SEC24B: variants seen among roughly 807,000 people sequenced by gnomAD.
The protein encoded by SEC24B is SEC24 homolog B, COPII component.
In SEC24B, 45 loss-of-function variants were observed where a neutral mutation model predicts 142.8. That is an observed-to-expected ratio of 0.32 (90% CI 0.25 to 0.40). SEC24B has a LOEUF of 0.40. Ranked by LOEUF, SEC24B falls within the 10% of genes least tolerant of loss-of-function variation. The probability of loss-of-function intolerance (pLI) is 1.00; values close to 1 mark genes in which losing one functional copy is unlikely to be tolerated. For synonymous variants in SEC24B, 574 were observed against 568.2 expected (o/e 1.01, Z -0.15); for missense variants, 1,409 against 1,526.8 (o/e 0.92, Z 1.29).
At chr4:109,445,748 T>A (rs892834671) in intron 1 of SEC24B, among the ~76,000 whole-genome samples, 1 of 151,596 alleles carries the variant, frequency 6.6e-6, no homozygotes, top group African/African-American at 2.4e-5. Flanking sequence ...TTTTATTTCA[T>A]GTTTGTAGAG....
chr4:109,533,499 T>C, intron 21 of SEC24B, 94 bp from the exon 22 acceptor site: 2 of 805,254 alleles, frequency 2.5e-6, no homozygotes, highest in South Asian at 1.5e-5. Flanking sequence ...CTTCTGTTTG[T>C]TTCTACCTTA....
At position 109,527,379 on chromosome 4, in the gene SEC24B, A is replaced by G; in HGVS notation, c.3023A>G (p.Asp1008Gly). The G allele has an allele frequency of 6.2e-7, 1 of 1,613,872 alleles. No homozygotes were observed. The highest frequency in any genetic ancestry group is 8.5e-7 in the Non-Finnish European group (1 of 1,179,872). Reference sequence around the variant, plus strand: ...TTGCCAGTGGTAAGTTCACTAGCAGATGTATATGCGGGAGTGGATGTACAA... The same window carrying G: ...TTGCCAGTGGTAAGTTCACTAGCAGGTGTATATGCGGGAGTGGATGTACAA... Reference protein sequence around the residue: ...LCLPVVSSLADVYAGVDVQAA... With the variant: ...LCLPVVSSLAGVYAGVDVQAA... Residue 1008 changes from aspartate (D) to glycine (G), a missense_variant, in exon 18 of 24, where the codon GAT becomes GGT. Physicochemically the swap from Asp to Gly is moderately conservative, Grantham distance 94 (BLOSUM62 -1). This residue lies in a region of SEC24B where 700 missense variants were observed against 853.3 expected (regional missense o/e 0.82). Coordinates refer to ENST00000265175, the MANE Select transcript of SEC24B (RefSeq NM_006323.5).
rs1733745795 is a variant in SEC24B at position 109,481,614 on chromosome 4, A to G, written c.1061-63A>G. ...TCTTTCTCACTTTTAATGCAATGTC[A>G]AATTTTTATTTCTCATCTTTCCTGT... On this transcript the variant is annotated intron_variant, in intron 3 of 23. Coordinates refer to ENST00000265175, the MANE Select transcript of SEC24B (RefSeq NM_006323.5). The G allele has an allele frequency of 3.3e-6, 4 of 1,199,324 alleles. No homozygotes were observed. In the South Asian group the frequency reaches 6.7e-5, roughly 20 times the overall value. The allele number at this position is 1,199,324 out of a possible 1,614,324, so 74.3% of individuals were successfully genotyped here. A position where few individuals can be genotyped will look rare whatever the true frequency, so the allele number is the denominator to read the frequency against.
chr4:109,444,281 A>T (rs1161736918), intron 1 of SEC24B, among the ~76,000 whole-genome samples: 1 of 151,980 alleles, frequency 6.6e-6, no homozygotes, highest in Admixed American at 6.6e-5. Context: ...GTTCCTAGAA[A>T]TTGTCCTAAG....
intron 4 of SEC24B, among the ~76,000 whole-genome samples, chr4:109,485,995 A>AG (rs1734309195): frequency 6.6e-6 from 1 of 152,206 alleles, no homozygotes; most frequent in Non-Finnish European, 1.5e-5. Flanking sequence ...CTGAAAGCTG[A>AG]GGAAAAAAAA....
intron 11 of SEC24B, among the ~76,000 whole-genome samples, chr4:109,519,046 A>T (rs1460740501): frequency 1.3e-5 from 2 of 151,954 alleles, no homozygotes; most frequent in Non-Finnish European, 2.9e-5. Context: ...AGCTCAAGCG[A>T]TCCACCCACC....
chr4:109,502,245 C>T (rs1736225927), intron 6 of SEC24B, among the ~76,000 whole-genome samples: 1 of 152,048 alleles, frequency 6.6e-6, no homozygotes, highest in African/African-American at 2.4e-5. Flanking sequence ...GGGATGAGAT[C>T]GAAGAGCTAA....
rs190389859 is a variant in SEC24B at position 109,521,037 on chromosome 4, G to T, written c.2246-80G>T. On this transcript the variant is annotated intron_variant, in intron 12 of 23. Transcript: ENST00000265175. ...AGCAAAATTATAGTACACATTACAT[G>T]TATGACCTGATAAAAACTAAGATTT... 1,683 of 866,412 alleles carry T rather than the reference G, an allele frequency of 1.9e-3. 5 individuals are homozygous for T. Among genetic ancestry groups the T allele is most frequent in the South Asian group, 4.4e-3 (306 of 69,314 alleles). The allele number at this position is 866,412 out of a possible 1,614,324, so 53.7% of individuals were successfully genotyped here.
chr4:109,496,534 G>A (rs963730711), intron 6 of SEC24B, among the ~76,000 whole-genome samples: 3 of 152,166 alleles, frequency 2.0e-5, no homozygotes, highest in African/African-American at 4.8e-5. Context: ...TAATCAGTGA[G>A]GAGTAGTGGC....
At chr4:109,511,063 A>G (rs1223059379) in intron 8 of SEC24B, among the ~76,000 whole-genome samples, 1 of 151,960 alleles carries the variant, frequency 6.6e-6, no homozygotes, top group Non-Finnish European at 1.5e-5. Flanking sequence ...ATCACCTATA[A>G]TACTCTGAAA....
chr4:109,521,565 C>T lies in SEC24B; in HGVS notation c.2447C>T (p.Pro816Leu). The change falls in exon 14 of 24, where the codon CCT becomes CTT. Residue 816 changes from proline to leucine, a missense_variant. Coordinates refer to ENST00000265175, the MANE Select transcript of SEC24B (RefSeq NM_006323.5). ...GTGTCTGTATTTCAGACACAGTTAC[C>T]TTCCTTGGGTGCAGGACTTCTGCAA... ...GRVSVFQTQL[P>L]SLGAGLLQSR... is the part of the protein sequence containing the mutation. The T allele has an allele frequency of 6.2e-7, 1 of 1,614,090 alleles. No homozygotes were observed. The highest frequency in any genetic ancestry group is 8.5e-7 in the Non-Finnish European group (1 of 1,179,982).
At chr4:109,459,783 A>G (rs1731073212) in intron 1 of SEC24B, among the ~76,000 whole-genome samples, 1 of 152,186 alleles carries the variant, frequency 6.6e-6, no homozygotes, top group South Asian at 2.1e-4. Flanking sequence ...TGTAGCATGG[A>G]TATGCCAGAT....
chr4:109,532,036 T>C (rs1724983852), intron 20 of SEC24B, among the ~76,000 whole-genome samples: 2 of 152,108 alleles, frequency 1.3e-5, no homozygotes, highest in Admixed American at 1.3e-4. Context: ...TTTGTACTTT[T>C]AGTAGAGACA....
At chr4:109,505,603 G>A (rs1736596703) in intron 6 of SEC24B, among the ~76,000 whole-genome samples, 1 of 152,158 alleles carries the variant, frequency 6.6e-6, no homozygotes, top group South Asian at 2.1e-4. Flanking sequence ...GTATCTGGAA[G>A]TAATAACAGC....
chr4:109,516,702 A>G (rs939967308), intron 11 of SEC24B, 62 bp downstream of exon 11: 2 of 953,342 alleles, frequency 2.1e-6, no homozygotes, highest in Admixed American at 4.8e-5. Flanking sequence ...ATGTGTATAA[A>G]TATGAAGTGT....
In SEC24B at chr4:109,472,999, T is replaced by C; in HGVS notation, c.878-5T>C. The C allele has an allele frequency of 6.7e-7, 1 of 1,503,186 alleles. No homozygotes were observed. Among genetic ancestry groups the C allele is most frequent in the South Asian group, 1.4e-5 (1 of 69,390 alleles). The allele number at this position is 1,503,186 out of a possible 1,614,324, so 93.1% of individuals were successfully genotyped here. Reference sequence around the variant, plus strand: ...TCTGTGGATGAAATAGTTTCTTCTCTTCAGTTGCAGATTCTTTATCCTGTC... The same window carrying C: ...TCTGTGGATGAAATAGTTTCTTCTCCTCAGTTGCAGATTCTTTATCCTGTC... On this transcript the variant is annotated splice_polypyrimidine_tract_variant and splice_region_variant and intron_variant, in intron 2 of 23. Transcript: ENST00000265175.
At chr4:109,434,496 G>A (rs1208407240) in intron 1 of SEC24B, among the ~76,000 whole-genome samples, 1 of 152,194 alleles carries the variant, frequency 6.6e-6, no homozygotes, top group Non-Finnish European at 1.5e-5. Flanking sequence ...CCTGTCTCAG[G>A]AAAATTGCTT....
chr4:109,462,964 C>T lies in SEC24B; in HGVS notation c.197C>T (p.Ala66Val), dbSNP rs1034690586. 6.2e-7 allele frequency: 1 copy of T among 1,613,608 alleles called. No homozygotes were observed. Among genetic ancestry groups the T allele is most frequent in the African/African-American group, 1.3e-5 (1 of 74,902 alleles). Residue 66 changes from alanine to valine, a missense_variant, in exon 2 of 24, where the codon GCT becomes GTT. Physicochemically the swap from Ala to Val is moderately conservative, Grantham distance 64. Coordinates refer to ENST00000265175, the MANE Select transcript of SEC24B (RefSeq NM_006323.5). Reference protein sequence around the residue: ...GYGLHHQNYIAPSGHYSQGPG... With the variant: ...GYGLHHQNYIVPSGHYSQGPG... Reference sequence around the variant, plus strand: ...GGATTGCATCATCAAAACTATATTGCTCCCTCAGGACATTACTCTCAAGGA... The same window carrying T: ...GGATTGCATCATCAAAACTATATTGTTCCCTCAGGACATTACTCTCAAGGA...
At chr4:109,530,895 CAAAAAAAAAAAAA>C (rs35997146) in intron 19 of SEC24B, among the ~76,000 whole-genome samples, 8 of 46,342 alleles carry the variant, frequency 1.7e-4, no homozygotes, top group Admixed American at 1.1e-3. Flanking sequence ...GACTCCGTCT[CAAAAAAAAAAAAA>C]AAAAAAAAAA....
Sources: gnomAD v4.1 joint callset for allele counts (sites outside exome capture counted in the v4.1 genomes callset) on GRCh38, gnomAD v4.1.1 for gene constraint, gnomAD v4.1.1 regional missense constraint, MANE v1.5 for transcripts, NCBI Gene and HGNC (gene_info 2026-07-23, HGNC 2026-07-21) for gene names.